ITGB3BP: variants seen among roughly 807,000 people sequenced by gnomAD.
ITGB3BP encodes the protein integrin subunit beta 3 binding protein, also known as centromere protein R.
In ITGB3BP, 27 loss-of-function variants were observed where a neutral mutation model predicts 29.1. The observed-to-expected ratio is 0.93, with a 90% CI of 0.68 to 1.28. The LOEUF is 1.28. Ranked by LOEUF, ITGB3BP falls within the 50% of genes most tolerant of loss-of-function variation. The pLI is 0.00. For synonymous variants in ITGB3BP, 61 were observed against 61.4 expected (o/e 0.99, Z 0.03); for missense variants, 192 against 200.2 (o/e 0.96, Z 0.25).
chr1:63,526,623 T>C (rs1239123991), upstream of ITGB3BP, among the ~76,000 whole-genome samples: 1 of 152,232 alleles, frequency 6.6e-6, no homozygotes, highest in Non-Finnish European at 1.5e-5. Flanking sequence ...GTAAAGTAGT[T>C]TAAATGCAAA....
chr1:63,464,414 A>G (rs576939287), intron 4 of ITGB3BP, among the ~76,000 whole-genome samples: 11 of 152,312 alleles, frequency 7.2e-5, no homozygotes, highest in African/African-American at 2.6e-4. Context: ...TGCTGCTCTT[A>G]GGAGACAGAG....
intron 1 of ITGB3BP, among the ~76,000 whole-genome samples, chr1:63,509,100 T>TC (rs1646143432): frequency 6.6e-6 from 1 of 152,212 alleles, no homozygotes; most frequent in African/African-American, 2.4e-5. Flanking sequence ...GAACAGATGC[T>TC]CTATGTCTTT....
At chr1:63,445,441 T>C (rs555938336) in intron 8 of ITGB3BP, among the ~76,000 whole-genome samples, 122 of 152,326 alleles carry the variant, frequency 8.0e-4, no homozygotes, top group Non-Finnish European at 1.3e-3. Flanking sequence ...TATAAGATGC[T>C]TTGCAAATAT....
intron 4 of ITGB3BP, among the ~76,000 whole-genome samples, chr1:63,458,783 G>A (rs1345939045): frequency 6.6e-6 from 1 of 152,150 alleles, no homozygotes; most frequent in Non-Finnish European, 1.5e-5. Context: ...AGTGCCTGCA[G>A]TTATGGGAGG....
chr1:63,502,357 A>G (rs1191784089), intron 2 of ITGB3BP, among the ~76,000 whole-genome samples: 1 of 152,046 alleles, frequency 6.6e-6, no homozygotes, highest in Non-Finnish European at 1.5e-5. Flanking sequence ...TATGGTCCAT[A>G]TCTCTGCTTC....
upstream of ITGB3BP, among the ~76,000 whole-genome samples, chr1:63,525,053 A>ACT (rs201923301): frequency 6.6e-6 from 1 of 152,098 alleles, no homozygotes; most frequent in East Asian, 1.9e-4. Context: ...GTCAACTACC[A>ACT]CTCATATCCC....
At position 63,523,053 on chromosome 1, in the gene ITGB3BP, G is replaced by C. The variant is rs1249114736; in HGVS notation, c.5+76C>G. On this transcript the variant is annotated intron_variant, in intron 1 of 8. Coordinates refer to ENST00000271002, the MANE Select transcript of ITGB3BP (RefSeq NM_014288.5). The stretch of plus-strand genomic sequence containing the variant: ...CCGAAAAAATAGGAAAACGAGAAAG[G>C]CTACTGGGCCACATAATATCTTCTC... 3.2e-6 allele frequency: 5 copies of C among 1,546,986 alleles called. No individual in the cohort carries two copies. The African/African-American group carries it at 6.8e-5, about 21-fold the overall frequency.
chr1:63,449,875 A>G (rs1644839081), intron 7 of ITGB3BP: 2 of 153,020 alleles, frequency 1.3e-5, no homozygotes, highest in Admixed American at 1.3e-4. Flanking sequence ...AAAGGGTAGT[A>G]GTCTTCTGGG....
chr1:63,509,066 C>T (rs1646142633), intron 1 of ITGB3BP, among the ~76,000 whole-genome samples: 1 of 152,150 alleles, frequency 6.6e-6, no homozygotes, highest in Non-Finnish European at 1.5e-5. Context: ...TGATTCAGTG[C>T]AACCAGACTA....
chr1:63,510,040 A>G, intron 1 of ITGB3BP: 1 of 561,802 alleles, frequency 1.8e-6, no homozygotes, highest in Non-Finnish European at 3.3e-6. Context: ...AATACAAAAT[A>G]TTAGCCTAGC....
chr1:63,509,046 GCTT>G (rs1646142129), intron 1 of ITGB3BP, among the ~76,000 whole-genome samples: 4 of 152,168 alleles, frequency 2.6e-5, no homozygotes, highest in Non-Finnish European at 5.9e-5. Context: ...CATTATTCTA[GCTT>G]TAAACATGAT....
chr1:63,524,729 C>A (rs193206293), upstream of ITGB3BP, among the ~76,000 whole-genome samples: 1 of 152,224 alleles, frequency 6.6e-6, no homozygotes, highest in South Asian at 2.1e-4. Context: ...AGAAACTGTT[C>A]GTGAAATTTA....
intron 1 of ITGB3BP, among the ~76,000 whole-genome samples, chr1:63,516,138 T>C (rs969942546): frequency 1.3e-5 from 2 of 148,424 alleles, no homozygotes; most frequent in Non-Finnish European, 3.0e-5. Context: ...AAGCAGAAAA[T>C]TAGGCCAGGC....
upstream of ITGB3BP, chr1:63,523,329 G>A: frequency 2.9e-6 from 2 of 691,054 alleles, no homozygotes; most frequent in Non-Finnish European, 5.1e-6. Flanking sequence ...AGCGAGCGGG[G>A]AGTTCTAGGC....
At chr1:63,493,234 T>C (rs1482006194) in intron 2 of ITGB3BP, among the ~76,000 whole-genome samples, 1 of 151,982 alleles carries the variant, frequency 6.6e-6, no homozygotes, top group East Asian at 1.9e-4. Flanking sequence ...CCTGGCAACA[T>C]GGAGAAACCC....
In ITGB3BP at chr1:63,478,354, A is replaced by G. The variant is rs140823485; in HGVS notation, c.254+410T>C. On this transcript the variant is annotated intron_variant, in intron 4 of 8. Coordinates refer to ENST00000271002, the MANE Select transcript of ITGB3BP (RefSeq NM_014288.5). The stretch of plus-strand genomic sequence containing the variant: ...TGAAAATGATTGGTTGCTCGCATGT[A>G]GGCCTTCCAGGTTCCTCTAGATCTC... Among the ~76,000 whole-genome samples the G allele has an allele frequency of 4.4e-3, 672 of 152,364 alleles. 5 individuals carry two copies. The highest frequency in any genetic ancestry group is 0.015 in the African/African-American group (618 of 41,586).
chr1:63,522,889 A>G (rs1646489008), intron 1 of ITGB3BP: 4 of 691,508 alleles, frequency 5.8e-6, no homozygotes, highest in South Asian at 4.3e-5. Context: ...TACAGCCCAC[A>G]GTTTACGAAA....
At chr1:63,489,914 C>G (rs1645609940) in intron 3 of ITGB3BP, among the ~76,000 whole-genome samples, 169 bp downstream of exon 3, 1 of 151,856 alleles carries the variant, frequency 6.6e-6, no homozygotes, top group Non-Finnish European at 1.5e-5. Context: ...AAAATAAGTG[C>G]CAAAAGTTTA....
At chr1:63,484,901 T>C (rs963636434) in intron 3 of ITGB3BP, among the ~76,000 whole-genome samples, 2 of 152,244 alleles carry the variant, frequency 1.3e-5, no homozygotes, top group East Asian at 3.9e-4. Context: ...TAGATGCACA[T>C]ATGGCTCAGG....
Sources: gnomAD v4.1 joint callset for allele counts (sites outside exome capture counted in the v4.1 genomes callset) on GRCh38, gnomAD v4.1.1 for gene constraint, MANE v1.5 for transcripts, NCBI Gene and HGNC (gene_info 2026-07-23, HGNC 2026-07-21) for gene names.